Variants in CDC42BPA observed in about 807,000 individuals in gnomAD.
CDC42BPA encodes serine/threonine-protein kinase MRCK alpha.
CDC42BPA carries 80 observed loss-of-function variants against 223.5 expected under a neutral mutation model. The observed-to-expected ratio is 0.36, with a 90% CI of 0.30 to 0.43. The LOEUF (loss-of-function observed/expected upper bound fraction) is 0.43. CDC42BPA is among the 20% of genes least tolerant of loss of function. The pLI, the probability that CDC42BPA is intolerant of heterozygous loss-of-function variation, is 1.00. For synonymous variants in CDC42BPA, 694 were observed against 718.6 expected (o/e 0.97, Z 0.55); for missense variants, 1,743 against 2,099.9 (o/e 0.83, Z 3.32).
At chr1:227,160,484 A>G in intron 6 of CDC42BPA, 59 bp downstream of exon 6, 1 of 1,074,490 alleles carries the variant, frequency 9.3e-7, no homozygotes, top group Non-Finnish European at 1.5e-6. Flanking sequence ...CAGATATATC[A>G]GACAAATAGC....
chr1:227,281,443 T>C (rs1451084741), intron 1 of CDC42BPA, among the ~76,000 whole-genome samples: 1 of 152,138 alleles, frequency 6.6e-6, no homozygotes, highest in Non-Finnish European at 1.5e-5. Flanking sequence ...TTCCAGGTCC[T>C]GTGATTTCAG....
At chr1:227,199,831 C>T (rs891744437) in intron 3 of CDC42BPA, among the ~76,000 whole-genome samples, 179 bp from the exon 4 acceptor site, 8 of 151,846 alleles carry the variant, frequency 5.3e-5, no homozygotes, top group African/African-American at 1.7e-4. Flanking sequence ...TGGAATAGTA[C>T]CTTTTAAAAA....
At chr1:227,241,202 T>G (rs2813974) in intron 2 of CDC42BPA, among the ~76,000 whole-genome samples, 46,767 of 151,802 alleles carry the variant, frequency 0.31, 7,373 homozygotes, top group East Asian at 0.37. Flanking sequence ...CTAAAATTAA[T>G]ATTAACAACA....
chr1:227,116,598 T>C (rs1267937450), intron 12 of CDC42BPA, among the ~76,000 whole-genome samples: 1 of 152,186 alleles, frequency 6.6e-6, no homozygotes, highest in Non-Finnish European at 1.5e-5. Flanking sequence ...CTTTTCTGTA[T>C]GAAATTTTAT....
At chr1:227,108,297 T>C (rs1368038085) in intron 14 of CDC42BPA, among the ~76,000 whole-genome samples, 5 of 152,200 alleles carry the variant, frequency 3.3e-5, no homozygotes, top group African/African-American at 7.2e-5. Flanking sequence ...TCTGGTGTAT[T>C]GTATTTTCAT....
At chr1:227,025,838 T>C (rs531884384) in intron 31 of CDC42BPA, among the ~76,000 whole-genome samples, 4 of 152,318 alleles carry the variant, frequency 2.6e-5, no homozygotes, top group African/African-American at 9.6e-5. Flanking sequence ...ATACTTTGCA[T>C]AAACCAAATA....
chr1:227,163,343 TTTTTA>T (rs1664455702), intron 5 of CDC42BPA, among the ~76,000 whole-genome samples: 1 of 152,176 alleles, frequency 6.6e-6, no homozygotes, highest in Admixed American at 6.5e-5. Flanking sequence ...TTGTTGCCCA[TTTTTA>T]TTTTGTTAAA....
intron 16 of CDC42BPA, among the ~76,000 whole-genome samples, chr1:227,090,613 C>T (rs1422509023): frequency 6.6e-6 from 1 of 152,040 alleles, no homozygotes; most frequent in Non-Finnish European, 1.5e-5. Flanking sequence ...GAGTTCAAGA[C>T]CAGCCTGGCC....
At chr1:227,284,460 C>T (rs1688501410) in intron 1 of CDC42BPA, among the ~76,000 whole-genome samples, 1 of 152,044 alleles carries the variant, frequency 6.6e-6, no homozygotes, top group Non-Finnish European at 1.5e-5. Context: ...AATCTGAGGC[C>T]CAGCAGGTGA....
At chr1:227,094,249 T>TA (rs1370219619) in intron 15 of CDC42BPA, among the ~76,000 whole-genome samples, 6 of 152,172 alleles carry the variant, frequency 3.9e-5, no homozygotes, top group Non-Finnish European at 8.8e-5. Flanking sequence ...GAGAGGTATT[T>TA]AAAATGTGAG....
intron 4 of CDC42BPA, among the ~76,000 whole-genome samples, chr1:227,198,438 C>CAAAAAAAAAAAA (rs1176604134): frequency 3.5e-4 from 18 of 51,258 alleles, no homozygotes; most frequent in East Asian, 5.7e-4. Context: ...ATCCAGCAAA[C>CAAAAAAAAAAAA]AAAAAAAAAA....
At chr1:227,224,847 G>A (rs971564324) in intron 2 of CDC42BPA, among the ~76,000 whole-genome samples, 9 of 152,048 alleles carry the variant, frequency 5.9e-5, no homozygotes, top group East Asian at 1.9e-4. Flanking sequence ...GTACAAAAAC[G>A]TTTTATAAGG....
rs1660662494 is a variant in CDC42BPA, at chr1:226,990,945, A to G, written c.*3323T>C. The G allele has an allele frequency of 6.6e-6, 1 of 152,602 alleles. No homozygotes were observed. The allele number at this position is 152,602 out of a possible 1,614,324, so 9.5% of individuals were successfully genotyped here. On this transcript the variant is annotated 3_prime_UTR_variant, in exon 37 of 37. Coordinates refer to ENST00000366766, the MANE Select transcript of CDC42BPA (RefSeq NM_001394014.1). ...TGGGCTCCTTTTAGTTGTATCTCAT[A>G]GCCTTAAAGCTGTGCTCCCTAGGAA...
In CDC42BPA at chr1:227,119,784, G is replaced by A. The variant is rs1688339433; in HGVS notation, c.1647+20C>T. ...TTCAAAATAGAGAAAAAGCTTTAATGATCTAGTCACATATTTTACCTTATT... is the reference window on the plus strand; with the variant it reads ...TTCAAAATAGAGAAAAAGCTTTAATAATCTAGTCACATATTTTACCTTATT... On this transcript the variant is annotated intron_variant, in intron 12 of 36. Transcript: ENST00000366766. 1.3e-6 allele frequency: 2 copies of A among 1,494,370 alleles called. No individual in the cohort carries two copies. Among genetic ancestry groups the A allele is most frequent in the East Asian group, 2.3e-5 (1 of 43,388 alleles). The allele number at this position is 1,494,370 out of a possible 1,614,324, so 92.6% of individuals were successfully genotyped here.
At chr1:227,227,829 C>A (rs1677105063) in intron 2 of CDC42BPA, among the ~76,000 whole-genome samples, 1 of 136,296 alleles carries the variant, frequency 7.3e-6, no homozygotes, top group Non-Finnish European at 1.6e-5. Context: ...ATACAAGGTC[C>A]ATATTAAAAA....
At chr1:227,196,826 G>C (rs1670840487) in intron 4 of CDC42BPA, among the ~76,000 whole-genome samples, 1 of 151,922 alleles carries the variant, frequency 6.6e-6, no homozygotes. Context: ...CAACCATAAA[G>C]TAACTAATCA....
At chr1:227,149,681 A>G (rs532994096) in intron 6 of CDC42BPA, among the ~76,000 whole-genome samples, 1 of 152,362 alleles carries the variant, frequency 6.6e-6, no homozygotes, top group South Asian at 2.1e-4. Flanking sequence ...TGGATTAGAT[A>G]CAGTTGACGA....
chr1:227,191,293 C>T (rs138300273), intron 5 of CDC42BPA, among the ~76,000 whole-genome samples: 3,167 of 147,530 alleles, frequency 0.021, 129 homozygotes, highest in African/African-American at 0.075. Flanking sequence ...TGCAGTGAGC[C>T]AAGATCGCAC....
intron 5 of CDC42BPA, among the ~76,000 whole-genome samples, chr1:227,174,676 T>C (rs1666666637): frequency 6.6e-6 from 1 of 152,162 alleles, no homozygotes; most frequent in Non-Finnish European, 1.5e-5. Context: ...ACTATGAAAC[T>C]ACATGAGATA....
Sources: gnomAD v4.1 joint callset for allele counts (sites outside exome capture counted in the v4.1 genomes callset) on GRCh38, gnomAD v4.1.1 for gene constraint, MANE v1.5 for transcripts, NCBI Gene and HGNC (gene_info 2026-07-23, HGNC 2026-07-21) for gene names.